Variants in SMYD3 observed in about 807,000 individuals in gnomAD.
SMYD3 encodes the protein SET and MYND domain containing 3.
Under a neutral mutation model 57.7 loss-of-function variants are expected in SMYD3, and 36 were observed. The ratio of observed to expected loss-of-function variants is 0.62; its 90% CI spans 0.48 to 0.82. SMYD3 has a LOEUF of 0.82. Among genes scored for constraint, SMYD3 ranks in the 40% least tolerant of loss-of-function variants. SMYD3 has a pLI of 0.00. For missense variants in SMYD3, 515 were observed against 538.8 expected (o/e 0.96, Z 0.44); for synonymous variants, 211 against 195.0 (o/e 1.08, Z -0.68).
chr1:246,030,752 A>T (rs6669961), intron 5 of SMYD3, among the ~76,000 whole-genome samples: 58,064 of 151,922 alleles, frequency 0.38, 13,159 homozygotes, highest in African/African-American at 0.63. Context: ...CATAAATACA[A>T]ACCCGCACAC....
intron 5 of SMYD3, among the ~76,000 whole-genome samples, chr1:246,128,167 T>C (rs2061536175): frequency 6.6e-6 from 1 of 152,166 alleles, no homozygotes; most frequent in South Asian, 2.1e-4. Flanking sequence ...TGTTGTCTTC[T>C]CCACGAGGCC....
chr1:246,141,058 T>G (rs906267826), intron 5 of SMYD3, among the ~76,000 whole-genome samples: 3 of 152,238 alleles, frequency 2.0e-5, no homozygotes, highest in Non-Finnish European at 4.4e-5. Flanking sequence ...GCAGGCTTCA[T>G]TCAGGTGACC....
chr1:246,479,700 G>T lies in SMYD3; in HGVS notation c.164+27354C>A, dbSNP rs1186614743. On this transcript the variant is annotated intron_variant, in intron 1 of 11. Coordinates refer to ENST00000490107, the MANE Select transcript of SMYD3 (RefSeq NM_001167740.2). ...TTTTTAAAATTTTTGTAGAGCCAAG[G>T]TCTCAATATATTGCCCAGGCTGGTC... Among the ~76,000 whole-genome samples, 5 of 151,474 alleles carry T rather than the reference G, an allele frequency of 3.3e-5. No individual in the cohort carries two copies. The East Asian group carries it at 7.7e-4, about 23-fold the overall frequency.
intron 5 of SMYD3, among the ~76,000 whole-genome samples, chr1:246,269,208 AC>A (rs1399293244): frequency 2.0e-5 from 3 of 152,154 alleles, no homozygotes; most frequent in Non-Finnish European, 2.9e-5. Context: ...ACTGGCTGAT[AC>A]CACCCTTTCC....
At chr1:246,212,572 C>T (rs574250435) in intron 5 of SMYD3, among the ~76,000 whole-genome samples, 1 of 147,040 alleles carries the variant, frequency 6.8e-6, no homozygotes, top group South Asian at 2.2e-4. Flanking sequence ...CTGTCTACTG[C>T]ATATTTGGTC....
At chr1:245,850,191 T>C (rs1042020821) in intron 10 of SMYD3, among the ~76,000 whole-genome samples, 4 of 152,164 alleles carry the variant, frequency 2.6e-5, no homozygotes, top group Non-Finnish European at 5.9e-5. Flanking sequence ...TAACTTCATA[T>C]TACAGGCTTT....
chr1:246,116,201 GACACACACACACACACACAC>G (rs56722969), intron 5 of SMYD3, among the ~76,000 whole-genome samples: 9,755 of 146,006 alleles, frequency 0.067, 377 homozygotes, highest in African/African-American at 0.073. Flanking sequence ...CCCTGAGATG[GACACACACACACACACACAC>G]ACACACACAC....
intron 5 of SMYD3, among the ~76,000 whole-genome samples, chr1:246,090,900 C>G (rs1000248978): frequency 6.6e-6 from 1 of 152,088 alleles, no homozygotes; most frequent in South Asian, 2.1e-4. Flanking sequence ...CGCGAAATGA[C>G]GAAGCCCAGG....
In SMYD3 at chr1:246,359,366, G is replaced by C. The variant is rs534598919; in HGVS notation, c.165-4272C>G. Among the ~76,000 whole-genome samples, 12 of 152,254 alleles carry C rather than the reference G, an allele frequency of 7.9e-5. No individual in the cohort carries two copies. The East Asian group carries it at 2.3e-3, about 29-fold the overall frequency. On this transcript the variant is annotated intron_variant, in intron 1 of 11. Coordinates refer to ENST00000490107, the MANE Select transcript of SMYD3 (RefSeq NM_001167740.2). ...AAGTCTAGGACCATAAGGATTCACA[G>C]CTGAATTCTGTCAGACATTCAAAGA...
At chr1:246,363,281 C>T (rs1432113289) in intron 1 of SMYD3, among the ~76,000 whole-genome samples, 59 of 151,710 alleles carry the variant, frequency 3.9e-4, no homozygotes, top group East Asian at 3.5e-3. Context: ...CCAGCCGCCC[C>T]GTCCGGGAGG....
At position 245,830,619 on chromosome 1, in the gene SMYD3, T is replaced by C. The variant is rs542226330; in HGVS notation, c.1076+27877A>G. Among the ~76,000 whole-genome samples the C allele has an allele frequency of 5.3e-5, 8 of 152,290 alleles. No homozygotes were observed. In the South Asian group the frequency reaches 1.5e-3, roughly 28 times the overall value. ...ATAGAGAATACCCCTCTGGGGAAGT[T>C]TCTGGGCCAAAAATTGGTGACAGAT... On this transcript the variant is annotated intron_variant, in intron 10 of 11. Transcript: ENST00000490107.
At chr1:246,125,731 G>A (rs1178062063) in intron 5 of SMYD3, among the ~76,000 whole-genome samples, 2 of 152,120 alleles carry the variant, frequency 1.3e-5, no homozygotes, top group African/African-American at 2.4e-5. Context: ...CAAGAGGGAT[G>A]TGATGACGAT....
chr1:245,837,381 C>T (rs748247579), intron 10 of SMYD3, among the ~76,000 whole-genome samples: 1 of 152,022 alleles, frequency 6.6e-6, no homozygotes, highest in Non-Finnish European at 1.5e-5. Flanking sequence ...GGAAAGTCCT[C>T]GGTGGCAAGC....
At chr1:246,245,217 C>T (rs1446592261) in intron 5 of SMYD3, among the ~76,000 whole-genome samples, 2 of 149,434 alleles carry the variant, frequency 1.3e-5, no homozygotes, top group Non-Finnish European at 1.5e-5. Flanking sequence ...CTGAGGCGAG[C>T]GGATCACTTG....
At chr1:245,993,611 TAGATAGATAGATAGATAGATAGAC>T (rs1361858592) in intron 5 of SMYD3, among the ~76,000 whole-genome samples, 45 of 68,440 alleles carry the variant, frequency 6.6e-4, no homozygotes, top group African/African-American at 1.6e-3. Context: ...GATAGATAGA[TAGATAGATAGATAGATAGATAGAC>T]AGACAGACAG....
intron 5 of SMYD3, among the ~76,000 whole-genome samples, chr1:246,013,865 A>C (rs1319119313): frequency 6.6e-6 from 1 of 152,196 alleles, no homozygotes; most frequent in African/African-American, 2.4e-5. Flanking sequence ...CTGAGATGAG[A>C]GGGTTGGACA....
At chr1:245,870,104 G>A (rs1362235174) in intron 8 of SMYD3, among the ~76,000 whole-genome samples, 1 of 152,214 alleles carries the variant, frequency 6.6e-6, no homozygotes, top group Admixed American at 6.5e-5. Flanking sequence ...TGGTGATAGA[G>A]TGAATGAGAA....
At chr1:245,785,949 C>A (rs755032890) in intron 10 of SMYD3, among the ~76,000 whole-genome samples, 10 of 151,952 alleles carry the variant, frequency 6.6e-5, no homozygotes, top group Non-Finnish European at 1.3e-4. Flanking sequence ...AAGCAATCCT[C>A]CCATCTTGGT....
chr1:246,171,578 G>A (rs2062334439), intron 5 of SMYD3, among the ~76,000 whole-genome samples: 2 of 152,038 alleles, frequency 1.3e-5, no homozygotes, highest in Admixed American at 6.6e-5. Flanking sequence ...TACACACCTG[G>A]GCTACATGAT....
Sources: allele counts gnomAD v4.1 joint callset (sites outside exome capture counted in the v4.1 genomes callset), GRCh38; gene constraint gnomAD v4.1.1; transcripts MANE v1.5; gene names NCBI Gene and HGNC (gene_info 2026-07-23, HGNC 2026-07-21).